FTSJ1: variants seen among roughly 807,000 people sequenced by gnomAD.
FTSJ1 encodes the protein tRNA (cytidine(32)/guanosine(34)-2'-O)-methyltransferase.
FTSJ1 carries 3 observed loss-of-function variants against 28.5 expected under a neutral mutation model. The ratio of observed to expected loss-of-function variants is 0.11; its 90% CI spans 0.05 to 0.27. FTSJ1 has a LOEUF of 0.27. Among genes scored for constraint, FTSJ1 ranks in the 10% least tolerant of loss-of-function variants. The pLI is 1.00. For synonymous variants in FTSJ1, 104 were observed against 113.9 expected (o/e 0.91, Z 0.55); for missense variants, 162 against 279.0 (o/e 0.58, Z 2.99).
At chrX:48,479,710 ATG>A (rs1425602942) in intron 5 of FTSJ1, among the ~76,000 whole-genome samples, 1 of 111,831 alleles carries the variant, frequency 8.9e-6, no homozygotes, top group Non-Finnish European at 1.9e-5. Flanking sequence ...TGGCATGGTG[ATG>A]CATGCCCATA....
chrX:48,476,986 C>T (rs2061536491), intron 1 of FTSJ1, among the ~76,000 whole-genome samples: 1 of 109,968 alleles, frequency 9.1e-6, no homozygotes, highest in African/African-American at 3.3e-5. Context: ...AGGTCATGAT[C>T]AAGGGGCCTT....
At position 48,481,531 on chromosome X, in the gene FTSJ1, C is replaced by T. The variant is rs1556968572; in HGVS notation, c.571+3C>T. The T allele has an allele frequency of 2.5e-6, 3 of 1,200,241 alleles. No homozygotes were observed. The highest frequency in any genetic ancestry group is 3.4e-6 in the Non-Finnish European group (3 of 885,601). ...GAGCAGCCGGAACTCTAGCATCGGTCAGTGGGGTGGAGGGGCCAGGCAGGC... is the reference window on the plus strand; with the variant it reads ...GAGCAGCCGGAACTCTAGCATCGGTTAGTGGGGTGGAGGGGCCAGGCAGGC... On this transcript the variant is annotated splice_donor_region_variant and intron_variant, in intron 8 of 12. Coordinates refer to ENST00000348411, the MANE Select transcript of FTSJ1 (RefSeq NM_012280.4).
At position 48,478,683 on chromosome X, in the gene FTSJ1, A is replaced by C. The variant is rs781980043; in HGVS notation, c.258A>C (p.Val86=). The part of the protein sequence containing the change: ...LQAMAPLPGV[V]QIQGDITQLS... Reference sequence around the variant, plus strand: ...CTATGGCTCCACTACCAGGTGTGGTACAGATCCAGGGGGACATCACCCAGG... The same window carrying C: ...CTATGGCTCCACTACCAGGTGTGGTCCAGATCCAGGGGGACATCACCCAGG... The change falls in exon 4 of 13, where the codon GTA becomes GTC. Residue 86 remains valine, a synonymous_variant. Transcript: ENST00000348411. The C allele has an allele frequency of 2.5e-6, 3 of 1,202,990 alleles. No homozygotes were observed. In the Admixed American group the frequency reaches 6.6e-5, roughly 26 times the overall value.
At chrX:48,484,833 A>G (rs898442638) in intron 12 of FTSJ1, among the ~76,000 whole-genome samples, 2 of 112,607 alleles carry the variant, frequency 1.8e-5, no homozygotes, top group Non-Finnish European at 3.7e-5. Flanking sequence ...CTCATCAGGA[A>G]AATACAAGTG....
rs1556970126 is a variant in FTSJ1, at chrX:48,486,347, G to A, written c.*621G>A. On this transcript the variant is annotated 3_prime_UTR_variant, in exon 13 of 13. Coordinates refer to ENST00000348411, the MANE Select transcript of FTSJ1 (RefSeq NM_012280.4). ...TATATAGTAATAATTGTAATTCAATGTAATTGGCTTCCATTGTAATTGTGT... is the reference window on the plus strand; with the variant it reads ...TATATAGTAATAATTGTAATTCAATATAATTGGCTTCCATTGTAATTGTGT... The A allele has an allele frequency of 8.9e-6, 1 of 112,056 alleles. No homozygotes were observed. Among genetic ancestry groups the A allele is most frequent in the Non-Finnish European group, 1.9e-5 (1 of 53,243 alleles). The allele number at this position is 112,056 out of a possible 1,213,427, so 9.2% of individuals were successfully genotyped here.
In FTSJ1 at chrX:48,478,546, C is replaced by A. The variant is rs372507938; in HGVS notation, c.191+28C>A. On this transcript the variant is annotated intron_variant, in intron 3 of 12. Coordinates refer to ENST00000348411, the MANE Select transcript of FTSJ1 (RefSeq NM_012280.4). ...AAGTGTGGGGGTCCCAGATGGGAGA[C>A]CCAGGAGGGCCGGCTGGGTGGGAGG... 6.7e-6 allele frequency: 8 copies of A among 1,194,546 alleles called. No individual in the cohort carries two copies. In the Admixed American group the frequency reaches 1.1e-4, roughly 16 times the overall value.
intron 4 of FTSJ1, 59 bp from the exon 5 acceptor site, chrX:48,478,979 C>T (rs1488003745): frequency 1.7e-5 from 16 of 925,273 alleles, no homozygotes; most frequent in Non-Finnish European, 2.4e-5. Context: ...CATGGGCAGG[C>T]GGGATCTGAG....
At chrX:48,477,880 C>T in intron 1 of FTSJ1, 81 bp from the exon 2 acceptor site, 1 of 707,743 alleles carries the variant, frequency 1.4e-6, no homozygotes, top group Non-Finnish European at 2.1e-6. Flanking sequence ...GCCAGGGCTT[C>T]AGTCAGCCCA....
Position 48,477,958 on chromosome X carries a change from C to T in FTSJ1, c.-87-3C>T, listed in dbSNP as rs1164071862. On this transcript the variant is annotated splice_polypyrimidine_tract_variant and splice_region_variant and intron_variant, in intron 1 of 12. Coordinates refer to ENST00000348411, the MANE Select transcript of FTSJ1 (RefSeq NM_012280.4). ...AGTTTGTGTGGTTCTCTCCGCCCTACAGAGGTAGGTGGTAGCCCATTCATC... is the reference window on the plus strand; with the variant it reads ...AGTTTGTGTGGTTCTCTCCGCCCTATAGAGGTAGGTGGTAGCCCATTCATC... 8.4e-6 allele frequency: 10 copies of T among 1,184,594 alleles called. No homozygotes were observed. Among genetic ancestry groups the T allele is most frequent in the African/African-American group, 1.8e-5 (1 of 56,584 alleles).
intron 12 of FTSJ1, among the ~76,000 whole-genome samples, chrX:48,484,907 C>T (rs2061592481): frequency 8.9e-6 from 1 of 111,977 alleles, no homozygotes; most frequent in South Asian, 3.7e-4. Flanking sequence ...AAGCCTCGTA[C>T]ATGCTACTGG....
intron 1 of FTSJ1, 112 bp downstream of exon 1, chrX:48,476,508 G>A (rs2061532987): frequency 3.6e-6 from 1 of 278,923 alleles, no homozygotes; most frequent in African/African-American, 2.7e-5. Context: ...CCGTAGCTGT[G>A]TATGGTTCGG....
intron 6 of FTSJ1, 33 bp downstream of exon 6, chrX:48,481,236 G>A (rs2061566594): frequency 8.3e-7 from 1 of 1,201,857 alleles, no homozygotes. Flanking sequence ...GACCCACTTT[G>A]GCCCCCTCCT....
chrX:48,479,414 C>T (rs1452885727), intron 5 of FTSJ1, among the ~76,000 whole-genome samples: 3 of 112,733 alleles, frequency 2.7e-5, no homozygotes, highest in Non-Finnish European at 5.6e-5. Context: ...CATTTTCAGC[C>T]AGCCAGCCAT....
Position 48,481,791 on chromosome X carries a change from GTC to G in FTSJ1, c.655+79_655+80del. 3 of 660,820 alleles carry G rather than the reference GTC, an allele frequency of 4.5e-6. No individual in the cohort carries two copies. The South Asian group carries it at 6.8e-5, about 15-fold the overall frequency. 54.5% of individuals were successfully genotyped at this position (660,820 alleles called of 1,213,427 possible). On this transcript the variant is annotated intron_variant, in intron 9 of 12. Transcript: ENST00000348411. ...AATCTAGGTCCCATGAGGGCCCACA[GTC>G]TCACCCCCTGGGGGAGGCTCTGTCC...
chrX:48,478,810 G>A, intron 4 of FTSJ1, 103 bp downstream of exon 4: 2 of 608,715 alleles, frequency 3.3e-6, no homozygotes, highest in Non-Finnish European at 5.5e-6. Context: ...GAAACAGAGA[G>A]AGAAAGAGAG....
rs1401573321 is a variant in FTSJ1, at chrX:48,486,259, G to T, written c.*533G>T. 1.8e-5 allele frequency: 2 copies of T among 111,566 alleles called. No individual in the cohort carries two copies. The highest frequency in any genetic ancestry group is 3.8e-5 in the Non-Finnish European group (2 of 53,169). 9.2% of individuals were successfully genotyped at this position (111,566 alleles called of 1,213,427 possible). A position where few individuals can be genotyped will look rare whatever the true frequency, so the allele number is the denominator to read the frequency against. ...ACCTCTTGGAATGATAGCAGATCCT[G>T]TAAGTTGATGTATTAATTAAAAAGC... On this transcript the variant is annotated 3_prime_UTR_variant, in exon 13 of 13. Transcript: ENST00000348411.
rs2061600994 is a variant in FTSJ1, at chrX:48,486,069, T to G, written c.*343T>G. The G allele has an allele frequency of 8.9e-6, 1 of 112,392 alleles. No homozygotes were observed. The highest frequency in any genetic ancestry group is 1.9e-5 in the Non-Finnish European group (1 of 53,293). 9.3% of individuals were successfully genotyped at this position (112,392 alleles called of 1,213,427 possible). A position where few individuals can be genotyped will look rare whatever the true frequency, so the allele number is the denominator to read the frequency against. ...ATGGAAGAAAATGTTACATCTTTATTTTCAGCAATGAAACTGAAATTTAGC... is the reference window on the plus strand; with the variant it reads ...ATGGAAGAAAATGTTACATCTTTATGTTCAGCAATGAAACTGAAATTTAGC... On this transcript the variant is annotated 3_prime_UTR_variant, in exon 13 of 13. Coordinates refer to ENST00000348411, the MANE Select transcript of FTSJ1 (RefSeq NM_012280.4).
Position 48,482,686 on chromosome X carries a change from G to A in FTSJ1, c.849G>A (p.Lys283=). ...AGGAGGCCTGCACGTTGAAGAGGAA[G>A]GGGCAGCTGGCCAAGGAGATCCGCC... ...PYQEACTLKR[K]GQLAKEIRPQ... Residue 283 remains lysine, a synonymous_variant, in exon 11 of 13, where the codon AAG becomes AAA. Transcript: ENST00000348411. 8.3e-7 allele frequency: 1 copy of A among 1,206,593 alleles called. No individual in the cohort carries two copies. The highest frequency in any genetic ancestry group is 1.1e-6 in the Non-Finnish European group (1 of 892,713).
At chrX:48,477,559 G>GGACT (rs2061540854) in intron 1 of FTSJ1, among the ~76,000 whole-genome samples, 1 of 111,188 alleles carries the variant, frequency 9.0e-6, no homozygotes, top group African/African-American at 3.3e-5. Flanking sequence ...GGGGCTAATA[G>GGACT]GACTATATGA....
Sources: allele counts gnomAD v4.1 joint callset (sites outside exome capture counted in the v4.1 genomes callset), GRCh38; gene constraint gnomAD v4.1.1; transcripts MANE v1.5; gene names NCBI Gene and HGNC (gene_info 2026-07-23, HGNC 2026-07-21).